The following COL8A1 variants were observed in gnomAD, a reference collection of about 807,000 sequenced individuals.
COL8A1 encodes collagen alpha-1(VIII) chain.
COL8A1 carries 21 observed loss-of-function variants against 42.7 expected under a neutral mutation model. The ratio of observed to expected loss-of-function variants is 0.49; its 90% CI spans 0.35 to 0.71. COL8A1 has a LOEUF of 0.71. Ranked by LOEUF, COL8A1 falls within the 30% of genes least tolerant of loss-of-function variation. The probability of loss-of-function intolerance (pLI) is 0.01; values close to 1 mark genes in which losing one functional copy is unlikely to be tolerated. For synonymous variants in COL8A1, 367 were observed against 369.1 expected (o/e 0.99, Z 0.06); for missense variants, 788 against 962.4 (o/e 0.82, Z 2.40).
intron 2 of COL8A1, among the ~76,000 whole-genome samples, chr3:99,771,479 T>C (rs997823583): frequency 2.6e-5 from 4 of 152,172 alleles, no homozygotes; most frequent in Non-Finnish European, 5.9e-5. Flanking sequence ...ATAATGACCA[T>C]CATTTATTAG....
intron 1 of COL8A1, among the ~76,000 whole-genome samples, chr3:99,731,868 C>A (rs1239566761): frequency 6.6e-6 from 1 of 152,062 alleles, no homozygotes; most frequent in African/African-American, 2.4e-5. Flanking sequence ...TAAGAAGAGA[C>A]AACACTCATG....
At chr3:99,741,432 A>G (rs1030686242) in intron 1 of COL8A1, among the ~76,000 whole-genome samples, 2 of 152,198 alleles carry the variant, frequency 1.3e-5, no homozygotes, top group Non-Finnish European at 2.9e-5. Flanking sequence ...TGCTCCAGCT[A>G]TCTTTGCTGC....
intron 2 of COL8A1, among the ~76,000 whole-genome samples, chr3:99,753,255 C>A (rs1941187891): frequency 6.6e-6 from 1 of 152,150 alleles, no homozygotes; most frequent in Non-Finnish European, 1.5e-5. Flanking sequence ...ACTTTAAGAA[C>A]CACTAACTGA....
rs1175010412 is a variant in COL8A1, at chr3:99,795,659, A to G, written c.1758A>G (p.Pro586=). Residue 586 remains proline, a synonymous_variant, in exon 4 of 4, where the codon CCA becomes CCG. Transcript: ENST00000652472. ...PTPPPQGEYL[P]DMGLGIDGVK... is the part of the protein sequence containing the mutation. ...CACCACCCCAGGGAGAGTATCTGCC[A>G]GATATGGGGCTGGGAATTGATGGCG... 1 of 1,613,858 alleles carries G rather than the reference A, an allele frequency of 6.2e-7. No individual in the cohort carries two copies. The highest frequency in any genetic ancestry group is 1.7e-5 in the Admixed American group (1 of 60,014).
At chr3:99,686,480 G>T (rs945486639) in intron 1 of COL8A1, among the ~76,000 whole-genome samples, 15 of 152,148 alleles carry the variant, frequency 9.9e-5, no homozygotes, top group Admixed American at 8.5e-4. Context: ...AGAAGTCAAA[G>T]AAATGCCTTC....
chr3:99,680,962 T>TC (rs1390490096), intron 1 of COL8A1, among the ~76,000 whole-genome samples: 1 of 152,122 alleles, frequency 6.6e-6, no homozygotes, highest in African/African-American at 2.4e-5. Context: ...CTGGATCCCT[T>TC]CCTTACACCT....
chr3:99,675,311 T>C (rs1344779630), intron 1 of COL8A1, among the ~76,000 whole-genome samples: 2 of 152,092 alleles, frequency 1.3e-5, no homozygotes, highest in African/African-American at 2.4e-5. Flanking sequence ...AAAATTATTA[T>C]AGAAGATTAG....
At chr3:99,762,987 A>G (rs750891070) in intron 2 of COL8A1, among the ~76,000 whole-genome samples, 1 of 152,156 alleles carries the variant, frequency 6.6e-6, no homozygotes, top group Non-Finnish European at 1.5e-5. Context: ...CTTTTCATTC[A>G]TACCTTCTAG....
intron 1 of COL8A1, among the ~76,000 whole-genome samples, chr3:99,659,979 T>C (rs1938149077): frequency 6.6e-6 from 1 of 152,194 alleles, no homozygotes; most frequent in Non-Finnish European, 1.5e-5. Context: ...CTTTTAGGTG[T>C]AATTGAAAAC....
chr3:99,710,038 C>T (rs1176812445), intron 1 of COL8A1, among the ~76,000 whole-genome samples: 1 of 152,156 alleles, frequency 6.6e-6, no homozygotes, highest in African/African-American at 2.4e-5. Flanking sequence ...TTAAACCATA[C>T]ACTCATTCAA....
intron 1 of COL8A1, among the ~76,000 whole-genome samples, chr3:99,644,547 C>G (rs939812637): frequency 2.6e-5 from 4 of 152,190 alleles, no homozygotes; most frequent in Admixed American, 6.5e-5. Context: ...TCCTCTGAAG[C>G]ATGCCTGACA....
intron 2 of COL8A1, among the ~76,000 whole-genome samples, chr3:99,772,027 C>T (rs1161114342): frequency 6.6e-6 from 1 of 152,156 alleles, no homozygotes; most frequent in Admixed American, 6.5e-5. Context: ...CAGTTACTAC[C>T]TAGCAAAGCC....
At chr3:99,672,623 T>A (rs1938581670) in intron 1 of COL8A1, among the ~76,000 whole-genome samples, 1 of 152,036 alleles carries the variant, frequency 6.6e-6, no homozygotes, top group Non-Finnish European at 1.5e-5. Context: ...TTATCATTGA[T>A]CATTCTTACA....
At chr3:99,662,568 G>A (rs1938241201) in intron 1 of COL8A1, among the ~76,000 whole-genome samples, 1 of 152,116 alleles carries the variant, frequency 6.6e-6, no homozygotes, top group Admixed American at 6.5e-5. Context: ...GACTTGAAAA[G>A]CAATTTTCAT....
rs188460655 is a variant in COL8A1, at chr3:99,728,646, T to C, written c.-128-16251T>C. On this transcript the variant is annotated intron_variant, in intron 1 of 3. Transcript: ENST00000652472. ...CTTTTTTAAACTTGCCCAATACAAATGGCTTCACTGGCCATCTTAGCTTAC... is the reference window on the plus strand; with the variant it reads ...CTTTTTTAAACTTGCCCAATACAAACGGCTTCACTGGCCATCTTAGCTTAC... 2.0e-5 allele frequency among the ~76,000 whole-genome samples: 3 copies of C among 152,126 alleles called. No individual in the cohort carries two copies. The East Asian group carries it at 5.8e-4, about 29-fold the overall frequency.
intron 1 of COL8A1, among the ~76,000 whole-genome samples, chr3:99,642,806 A>T (rs538672954): frequency 1.3e-5 from 2 of 152,342 alleles, no homozygotes; most frequent in East Asian, 3.9e-4. Flanking sequence ...CTTAAATAGG[A>T]TATAAATTTT....
intron 1 of COL8A1, among the ~76,000 whole-genome samples, chr3:99,664,149 C>G (rs1250051968): frequency 6.6e-6 from 1 of 152,226 alleles, no homozygotes; most frequent in Non-Finnish European, 1.5e-5. Context: ...CACTGTGCAA[C>G]TATACAATTG....
At chr3:99,791,654 C>T (rs540992333) in intron 3 of COL8A1, among the ~76,000 whole-genome samples, 66 of 152,264 alleles carry the variant, frequency 4.3e-4, no homozygotes, top group Admixed American at 1.3e-3. Context: ...AGACACTTGA[C>T]GATAAATTCA....
At chr3:99,728,769 A>G (rs1466924072) in intron 1 of COL8A1, among the ~76,000 whole-genome samples, 1 of 152,066 alleles carries the variant, frequency 6.6e-6, no homozygotes, top group Non-Finnish European at 1.5e-5. Context: ...GAATACAAGT[A>G]TCTCATAATA....
Sources: gnomAD v4.1 joint callset for allele counts (sites outside exome capture counted in the v4.1 genomes callset) on GRCh38, gnomAD v4.1.1 for gene constraint, MANE v1.5 for transcripts, NCBI Gene and HGNC (gene_info 2026-07-23, HGNC 2026-07-21) for gene names.